The following LOC128462377 variants were observed in gnomAD, a reference collection of about 807,000 sequenced individuals.
chr16:89,383,616 G>A, the LOC128462377 span, among the ~76,000 whole-genome samples: 33 of 152,022 alleles, frequency 2.2e-4, no homozygotes, highest in Admixed American at 5.2e-4. Context: ...GTGTCACGTC[G>A]AGCCCCTGCC....
chr16:89,331,711 C>T, the LOC128462377 span, among the ~76,000 whole-genome samples: 8 of 152,200 alleles, frequency 5.3e-5, no homozygotes, highest in Non-Finnish European at 8.8e-5. Flanking sequence ...GCCTCGAACT[C>T]CTGGGTTCAA....
chr16:89,319,583 G>A, the LOC128462377 span, among the ~76,000 whole-genome samples: 6 of 152,188 alleles, frequency 3.9e-5, no homozygotes, highest in Non-Finnish European at 5.9e-5. Context: ...ACATGTTACC[G>A]ATGGCAGCGA....
chr16:89,368,212 T>C, the LOC128462377 span, among the ~76,000 whole-genome samples: 11 of 151,906 alleles, frequency 7.2e-5, no homozygotes, highest in Non-Finnish European at 1.5e-4. Flanking sequence ...CTTTTTTTTT[T>C]TGATACAGAT....
the LOC128462377 span, among the ~76,000 whole-genome samples, chr16:89,380,773 G>C: frequency 3.9e-5 from 6 of 152,254 alleles, no homozygotes; most frequent in African/African-American, 1.4e-4. Flanking sequence ...GGCATCTCCT[G>C]CACGGGCAGC....
the LOC128462377 span, among the ~76,000 whole-genome samples, chr16:89,386,744 A>G: frequency 1.3e-5 from 2 of 152,144 alleles, no homozygotes; most frequent in Non-Finnish European, 2.9e-5. Flanking sequence ...TGACTGTTGG[A>G]TTTCATCAAT....
At chr16:89,364,533 C>T in the LOC128462377 span, among the ~76,000 whole-genome samples, 1 of 152,170 alleles carries the variant, frequency 6.6e-6, no homozygotes, top group Non-Finnish European at 1.5e-5. Context: ...CTCAAAACAG[C>T]GCTGAGCACA....
the LOC128462377 span, among the ~76,000 whole-genome samples, chr16:89,360,013 C>T: frequency 1.3e-5 from 2 of 152,020 alleles, no homozygotes; most frequent in Non-Finnish European, 2.9e-5. Flanking sequence ...CAGTACTAAG[C>T]CCAGTACCCA....
At chr16:89,336,510 C>A in the LOC128462377 span, among the ~76,000 whole-genome samples, 1 of 152,204 alleles carries the variant, frequency 6.6e-6, no homozygotes, top group Non-Finnish European at 1.5e-5. Flanking sequence ...GGACATTGCC[C>A]AGATTTCTCA....
the LOC128462377 span, among the ~76,000 whole-genome samples, chr16:89,405,120 T>C: frequency 3.3e-5 from 5 of 152,004 alleles, no homozygotes; most frequent in African/African-American, 1.2e-4. Context: ...GGTGTCACGG[T>C]GGAGGCGAGG....
the LOC128462377 span, among the ~76,000 whole-genome samples, chr16:89,370,052 C>T: frequency 6.6e-5 from 10 of 152,246 alleles, no homozygotes; most frequent in Non-Finnish European, 1.2e-4. Flanking sequence ...GAACGCAAAC[C>T]TTCTGGCTTC....
chr16:89,322,349 T>A, the LOC128462377 span, among the ~76,000 whole-genome samples: 1 of 152,234 alleles, frequency 6.6e-6, no homozygotes. Flanking sequence ...GGCCTTTACG[T>A]ACGTCCTGGG....
chr16:89,363,899 G>GA, the LOC128462377 span, among the ~76,000 whole-genome samples: 90 of 149,342 alleles, frequency 6.0e-4, no homozygotes, highest in African/African-American at 2.0e-3. Flanking sequence ...CTACAAAAAA[G>GA]AAAAAAAAAA....
the LOC128462377 span, among the ~76,000 whole-genome samples, chr16:89,349,210 G>C: frequency 7.3e-6 from 1 of 136,350 alleles, no homozygotes; most frequent in Non-Finnish European, 1.6e-5. Context: ...CAAAAGAATC[G>C]ATAAATAGAA....
At chr16:89,361,275 G>A in the LOC128462377 span, among the ~76,000 whole-genome samples, 1 of 152,190 alleles carries the variant, frequency 6.6e-6, no homozygotes, top group Non-Finnish European at 1.5e-5. Flanking sequence ...CAGGAAACGG[G>A]GTGACACAGG....
the LOC128462377 span, chr16:89,395,957 C>T: frequency 6.6e-6 from 1 of 152,186 alleles, no homozygotes; most frequent in Non-Finnish European, 1.5e-5. Flanking sequence ...CTGCCGCACA[C>T]CAGACACAGC....
the LOC128462377 span, among the ~76,000 whole-genome samples, chr16:89,394,015 G>T: frequency 4.3e-4 from 65 of 152,302 alleles, no homozygotes; most frequent in Non-Finnish European, 7.2e-4. Flanking sequence ...CCAGACCCCA[G>T]TGTTTGCTGA....
At chr16:89,388,468 G>A in the LOC128462377 span, among the ~76,000 whole-genome samples, 2 of 151,872 alleles carry the variant, frequency 1.3e-5, no homozygotes, top group African/African-American at 2.4e-5. Flanking sequence ...AAATCGACAC[G>A]GAATAGAAAA....
the LOC128462377 span, among the ~76,000 whole-genome samples, chr16:89,385,533 T>C: frequency 6.6e-6 from 1 of 151,678 alleles, no homozygotes; most frequent in Non-Finnish European, 1.5e-5. Context: ...GGTATCCCTG[T>C]GTCAGAGCCT....
chr16:89,398,000 C>T, the LOC128462377 span, among the ~76,000 whole-genome samples: 138 of 152,340 alleles, frequency 9.1e-4, no homozygotes, highest in African/African-American at 3.2e-3. Flanking sequence ...CCACAAAGCG[C>T]CTGTCACCAG....
Sources: gnomAD v4.1 joint callset for allele counts (sites outside exome capture counted in the v4.1 genomes callset) on GRCh38, gnomAD v4.1.1 for gene constraint, MANE v1.5 for transcripts.